Variants in PTPN4 observed in about 807,000 individuals in gnomAD.
The protein encoded by PTPN4 is tyrosine-protein phosphatase non-receptor type 4.
PTPN4 carries 49 observed loss-of-function variants against 135.5 expected under a neutral mutation model. The ratio of observed to expected loss-of-function variants is 0.36; its 90% CI spans 0.29 to 0.46. The LOEUF (loss-of-function observed/expected upper bound fraction) is 0.46. Among genes scored for constraint, PTPN4 ranks in the 20% least tolerant of loss-of-function variants. PTPN4 has a pLI of 1.00. For missense variants in PTPN4, 860 were observed against 1,101.0 expected (o/e 0.78, Z 3.10); for synonymous variants, 333 against 369.9 (o/e 0.90, Z 1.14).
chr2:119,972,976 A>G (rs1679558490), intron 26 of PTPN4, among the ~76,000 whole-genome samples: 1 of 152,088 alleles, frequency 6.6e-6, no homozygotes. Context: ...TCTTATATCT[A>G]TATTCTTACA....
intron 1 of PTPN4, chr2:119,791,005 A>G (rs1246074254): frequency 6.6e-6 from 1 of 152,136 alleles, no homozygotes; most frequent in Non-Finnish European, 1.5e-5. Flanking sequence ...ATCTTTATAC[A>G]TTGTAAGCCC....
At chr2:119,942,677 T>C (rs1448444818) in intron 15 of PTPN4, among the ~76,000 whole-genome samples, 5 of 152,230 alleles carry the variant, frequency 3.3e-5, no homozygotes, top group Non-Finnish European at 7.3e-5. Flanking sequence ...CAATTACTTC[T>C]GGTATTTGTA....
chr2:119,876,897 A>ATGTGTGTGTGTGTG (rs3835789), intron 3 of PTPN4, among the ~76,000 whole-genome samples: 110 of 136,134 alleles, frequency 8.1e-4, no homozygotes, highest in South Asian at 2.0e-3. Flanking sequence ...GCCCAAGAGC[A>ATGTGTGTGTGTGTG]TGTGTGTGTG....
rs943510967 is a variant in PTPN4 at position 119,952,240 on chromosome 2, C to T, written c.1813+111C>T. On this transcript the variant is annotated intron_variant, in intron 19 of 26. Transcript: ENST00000263708. ...ACATAAGTCACCTAAGTTTCCTGCT[C>T]AAAGCACAGTGGCTTTCATTGACAC... is the stretch of plus-strand genomic sequence containing the variant. 2.0e-5 allele frequency: 20 copies of T among 1,018,368 alleles called. No homozygotes were observed. The East Asian group carries it at 5.8e-4, about 30-fold the overall frequency. The allele number at this position is 1,018,368 out of a possible 1,614,324, so 63.1% of individuals were successfully genotyped here.
intron 2 of PTPN4, among the ~76,000 whole-genome samples, chr2:119,825,272 A>G (rs1433523301): frequency 6.6e-6 from 1 of 152,112 alleles, no homozygotes; most frequent in Non-Finnish European, 1.5e-5. Flanking sequence ...TTACTGGGAT[A>G]TGGCCTTCCG....
intron 1 of PTPN4, among the ~76,000 whole-genome samples, chr2:119,792,307 G>T (rs1312060940): frequency 6.6e-6 from 1 of 152,120 alleles, no homozygotes; most frequent in Non-Finnish European, 1.5e-5. Context: ...TTTTAGCTTA[G>T]TGCAGTACCT....
chr2:119,937,552 A>T (rs1202452624), intron 15 of PTPN4, among the ~76,000 whole-genome samples: 2 of 152,258 alleles, frequency 1.3e-5, no homozygotes, highest in African/African-American at 4.8e-5. Context: ...AGAGAGCTGC[A>T]TTAACTGCAA....
intron 1 of PTPN4, among the ~76,000 whole-genome samples, chr2:119,766,085 A>T (rs1690612416): frequency 6.6e-6 from 1 of 152,158 alleles, no homozygotes; most frequent in Non-Finnish European, 1.5e-5. Context: ...GGAGAGCAAG[A>T]TACCCTTGTT....
At chr2:119,949,255 A>T (rs1476320181) in intron 18 of PTPN4, among the ~76,000 whole-genome samples, 3 of 152,200 alleles carry the variant, frequency 2.0e-5, no homozygotes, top group Non-Finnish European at 4.4e-5. Flanking sequence ...TATTGGGGGA[A>T]AAAATTAAAA....
chr2:119,884,841 C>T (rs972807034), intron 8 of PTPN4, among the ~76,000 whole-genome samples: 1 of 152,006 alleles, frequency 6.6e-6, no homozygotes, highest in South Asian at 2.1e-4. Context: ...CATGCATTAG[C>T]GGGCTGTTGG....
chr2:119,901,084 G>T (rs1225649784), intron 10 of PTPN4, among the ~76,000 whole-genome samples: 3 of 152,138 alleles, frequency 2.0e-5, no homozygotes, highest in African/African-American at 7.2e-5. Context: ...TTTGCCCCCA[G>T]GGCAAATTGT....
At chr2:119,963,485 C>G (rs1451941380) in intron 24 of PTPN4, among the ~76,000 whole-genome samples, 1 of 152,154 alleles carries the variant, frequency 6.6e-6, no homozygotes, top group African/African-American at 2.4e-5. Context: ...GAGCAAATAG[C>G]CCAAGCTATG....
chr2:119,813,166 GA>G (rs917345133), intron 2 of PTPN4, among the ~76,000 whole-genome samples: 4 of 152,150 alleles, frequency 2.6e-5, no homozygotes, highest in African/African-American at 9.7e-5. Flanking sequence ...GCTGTTACCT[GA>G]AACCTTAGCT....
intron 12 of PTPN4, among the ~76,000 whole-genome samples, chr2:119,924,591 C>G (rs1678792765): frequency 6.6e-6 from 1 of 152,058 alleles, no homozygotes; most frequent in Admixed American, 6.6e-5. Context: ...AGATAAGTAT[C>G]TTACTGTGAA....
chr2:119,806,567 A>C (rs1344182325), intron 1 of PTPN4, among the ~76,000 whole-genome samples: 1 of 152,196 alleles, frequency 6.6e-6, no homozygotes, highest in Non-Finnish European at 1.5e-5. Context: ...GAGCACCGAG[A>C]TTCATAAAAC....
chr2:119,973,624 T>C (rs971812188), intron 26 of PTPN4, among the ~76,000 whole-genome samples: 6 of 150,270 alleles, frequency 4.0e-5, no homozygotes, highest in Admixed American at 1.3e-4. Context: ...CTTAAATCTC[T>C]TTTAATTGAA....
At chr2:119,786,782 G>A (rs551588950) in intron 1 of PTPN4, among the ~76,000 whole-genome samples, 85 of 152,314 alleles carry the variant, frequency 5.6e-4, no homozygotes, top group Admixed American at 2.0e-3. Context: ...ACCTCTTGGT[G>A]TAGTGGCAAA....
chr2:119,980,946 T>C lies in PTPN4; in HGVS notation c.*3876T>C, dbSNP rs1378277429. 6.6e-6 allele frequency: 1 copy of C among 152,096 alleles called. No individual in the cohort carries two copies. The highest frequency in any genetic ancestry group is 3.2e-3 in the Middle Eastern group (1 of 316). The allele number at this position is 152,096 out of a possible 1,614,324, so 9.4% of individuals were successfully genotyped here. On this transcript the variant is annotated 3_prime_UTR_variant, in exon 27 of 27. Coordinates refer to ENST00000263708, the MANE Select transcript of PTPN4 (RefSeq NM_002830.4). ...ATAATTTGTGTTCATAATGTGAACA[T>C]GTAAGATAAGTAAATAAAGCATTAC...
In PTPN4 at chr2:119,946,320, AT is replaced by A; in HGVS notation, c.1516-18del. On this transcript the variant is annotated intron_variant, in intron 16 of 26. Coordinates refer to ENST00000263708, the MANE Select transcript of PTPN4 (RefSeq NM_002830.4). Reference sequence around the variant, plus strand: ...TTTTAAGTGAAGAAAATTACAAGTTATTTAATTTTGTCTTTTTAAGCCTAAT... The same window carrying A: ...TTTTAAGTGAAGAAAATTACAAGTTATTAATTTTGTCTTTTTAAGCCTAAT... 6.6e-7 allele frequency: 1 copy of A among 1,524,636 alleles called. No individual in the cohort carries two copies. The highest frequency in any genetic ancestry group is 8.9e-7 in the Non-Finnish European group (1 of 1,118,104). The allele number at this position is 1,524,636 out of a possible 1,614,324, so 94.4% of individuals were successfully genotyped here.
Sources: allele counts gnomAD v4.1 joint callset (sites outside exome capture counted in the v4.1 genomes callset), GRCh38; gene constraint gnomAD v4.1.1; transcripts MANE v1.5; gene names NCBI Gene and HGNC (gene_info 2026-07-23, HGNC 2026-07-21).